TCP11L1: variants seen among roughly 807,000 people sequenced by gnomAD.
TCP11L1 encodes T-complex protein 11-like protein 1.
Under a neutral mutation model 48.9 loss-of-function variants are expected in TCP11L1, and 28 were observed. The observed-to-expected ratio is 0.57, with a 90% CI of 0.42 to 0.78. TCP11L1 has a LOEUF of 0.78. Among genes scored for constraint, TCP11L1 ranks in the 30% least tolerant of loss-of-function variants. The probability of loss-of-function intolerance (pLI) is 0.00; values close to 1 mark genes in which losing one functional copy is unlikely to be tolerated. For missense variants in TCP11L1, 505 were observed against 613.4 expected (o/e 0.82, Z 1.87); for synonymous variants, 204 against 231.9 (o/e 0.88, Z 1.09).
intron 2 of TCP11L1, among the ~76,000 whole-genome samples, chr11:33,051,328 C>T (rs1448006164): frequency 2.0e-5 from 3 of 151,808 alleles, no homozygotes; most frequent in East Asian, 1.9e-4. Flanking sequence ...CCATCACGCC[C>T]GGCTAATTTT....
At chr11:33,070,685 CAAAAAA>C (rs1182483117) in intron 9 of TCP11L1, among the ~76,000 whole-genome samples, 1 of 71,564 alleles carries the variant, frequency 1.4e-5, no homozygotes. Flanking sequence ...AAGTCTGTCT[CAAAAAA>C]AAAAAAAAAA....
intron 2 of TCP11L1, among the ~76,000 whole-genome samples, chr11:33,047,526 A>G (rs545610876): frequency 6.6e-6 from 1 of 152,348 alleles, no homozygotes; most frequent in East Asian, 1.9e-4. Context: ...TCCAGTTAAT[A>G]TCTCCCACTT....
In TCP11L1 at chr11:33,073,286, C is replaced by T. The variant is rs1304595251; in HGVS notation, c.*610C>T. The T allele has an allele frequency of 6.6e-6, 1 of 151,470 alleles. No homozygotes were observed. The highest frequency in any genetic ancestry group is 2.4e-5 in the African/African-American group (1 of 40,920). The allele number at this position is 151,470 out of a possible 1,614,324, so 9.4% of individuals were successfully genotyped here. A position where few individuals can be genotyped will look rare whatever the true frequency, so the allele number is the denominator to read the frequency against. On this transcript the variant is annotated 3_prime_UTR_variant, in exon 10 of 10. Transcript: ENST00000334274. The stretch of plus-strand genomic sequence containing the variant: ...TTTTACTTTCTTTTTTGTATTTAAA[C>T]ATTCTTTTAACCTTCCCCCAAAGAT...
chr11:33,050,091 A>G (rs1443100016), intron 2 of TCP11L1, among the ~76,000 whole-genome samples: 2 of 152,256 alleles, frequency 1.3e-5, no homozygotes, highest in African/African-American at 2.4e-5. Context: ...CACATCCTGC[A>G]TAGCCCTAAA....
intron 2 of TCP11L1, among the ~76,000 whole-genome samples, chr11:33,053,047 A>G (rs747336278): frequency 6.6e-6 from 1 of 152,146 alleles, no homozygotes; most frequent in Non-Finnish European, 1.5e-5. Flanking sequence ...CAGAGCTGCT[A>G]AATCAGAAAC....
At position 33,058,160 on chromosome 11, in the gene TCP11L1, T is replaced by G. The variant is rs1363789966; in HGVS notation, c.638+21T>G. 7 of 1,588,166 alleles carry G rather than the reference T, an allele frequency of 4.4e-6. No homozygotes were observed. In the Admixed American group the frequency reaches 9.0e-5, roughly 20 times the overall value. On this transcript the variant is annotated intron_variant, in intron 5 of 9. Transcript: ENST00000334274. Reference sequence around the variant, plus strand: ...TTCAGGTATGGAAATATGTTAATCATACTCCGTGCAACTACAATTCAGAGG... The same window carrying G: ...TTCAGGTATGGAAATATGTTAATCAGACTCCGTGCAACTACAATTCAGAGG...
intron 2 of TCP11L1, among the ~76,000 whole-genome samples, chr11:33,044,885 T>C (rs1183979754): frequency 1.3e-5 from 2 of 152,202 alleles, no homozygotes; most frequent in Non-Finnish European, 2.9e-5. Context: ...TTAGAAAGCT[T>C]CTGTTTTCCT....
Position 33,061,609 on chromosome 11 carries a change from A to C in TCP11L1, c.855A>C (p.Pro285=), listed in dbSNP as rs760018735. The C allele has an allele frequency of 6.2e-7, 1 of 1,612,908 alleles. No homozygotes were observed. The highest frequency in any genetic ancestry group is 8.5e-7 in the Non-Finnish European group (1 of 1,179,580). Residue 285 remains proline, a synonymous_variant, in exon 7 of 10, where the codon CCA becomes CCC. Transcript: ENST00000334274. ...LMTQKYKHAL[P]VGGMAAGSGD... is the part of the protein sequence containing the mutation. ...CTCAGAAGTATAAACACGCCCTGCCAGTGGGGGGAATGGCTGCTGGCTCTG... is the reference window on the plus strand; with the variant it reads ...CTCAGAAGTATAAACACGCCCTGCCCGTGGGGGGAATGGCTGCTGGCTCTG...
intron 8 of TCP11L1, 111 bp from the exon 9 acceptor site, chr11:33,068,576 G>T: frequency 7.4e-6 from 10 of 1,358,682 alleles, no homozygotes; most frequent in Non-Finnish European, 9.2e-6. Flanking sequence ...ATTGTCCCTT[G>T]AACACACAAA....
intron 6 of TCP11L1, among the ~76,000 whole-genome samples, chr11:33,060,585 GAT>G (rs1201010200): frequency 6.6e-6 from 1 of 152,274 alleles, no homozygotes; most frequent in East Asian, 1.9e-4. Flanking sequence ...TGATGTGTGA[GAT>G]CCTCCAGCTC....
Position 33,057,004 on chromosome 11 carries a change from A to G in TCP11L1, c.297-111A>G, listed in dbSNP as rs145798666. On this transcript the variant is annotated intron_variant, in intron 3 of 9. Coordinates refer to ENST00000334274, the MANE Select transcript of TCP11L1 (RefSeq NM_018393.4). ...CCTGGGAAATCTTTCCTTGGTCCAA[A>G]TCACTGGGATTGATCTTACCCTAAA... The G allele has an allele frequency of 1.9e-4, 274 of 1,442,954 alleles. 1 individual carries two copies. The East Asian group carries it at 5.7e-3, about 30-fold the overall frequency. The allele number at this position is 1,442,954 out of a possible 1,614,324, so 89.4% of individuals were successfully genotyped here.
chr11:33,044,173 C>T, intron 2 of TCP11L1: 1 of 372,542 alleles, frequency 2.7e-6, no homozygotes, highest in Non-Finnish European at 4.8e-6. Context: ...CTTTCTCCAG[C>T]CTCAGTGACA....
intron 1 of TCP11L1, among the ~76,000 whole-genome samples, chr11:33,042,223 C>T (rs767496907): frequency 3.9e-5 from 6 of 152,190 alleles, no homozygotes; most frequent in South Asian, 2.1e-4. Flanking sequence ...CTCTGCCTCC[C>T]GGGTTCATGC....
chr11:33,061,613 G>T lies in TCP11L1; in HGVS notation c.859G>T (p.Gly287Trp), dbSNP rs763629851. The T allele has an allele frequency of 2.5e-6, 4 of 1,612,928 alleles. No individual in the cohort carries two copies. Among genetic ancestry groups the T allele is most frequent in the East Asian group, 2.2e-5 (1 of 44,832 alleles). Reference protein sequence around the residue: ...TQKYKHALPVGGMAAGSGDMP... With the variant: ...TQKYKHALPVWGMAAGSGDMP... Reference sequence around the variant, plus strand: ...GAAGTATAAACACGCCCTGCCAGTGGGGGGAATGGCTGCTGGCTCTGGGGA... The same window carrying T: ...GAAGTATAAACACGCCCTGCCAGTGTGGGGAATGGCTGCTGGCTCTGGGGA... Residue 287 changes from glycine (G) to tryptophan (W), a missense_variant, in exon 7 of 10, where the codon GGG (glycine) becomes TGG (tryptophan). Gly to Trp is a radical substitution (Grantham distance 184, BLOSUM62 -2). Transcript: ENST00000334274.
chr11:33,059,958 A>G (rs1319953425), intron 6 of TCP11L1, among the ~76,000 whole-genome samples: 1 of 152,240 alleles, frequency 6.6e-6, no homozygotes, highest in African/African-American at 2.4e-5. Flanking sequence ...ATCCTCACAC[A>G]GTAAGCTGAT....
intron 2 of TCP11L1, among the ~76,000 whole-genome samples, chr11:33,047,013 A>G (rs1003123527): frequency 1.3e-5 from 2 of 152,148 alleles, no homozygotes; most frequent in East Asian, 3.9e-4. Context: ...AGGTGAGGTC[A>G]GGAGTTCGAG....
At chr11:33,062,678 C>T (rs1854501076) in intron 7 of TCP11L1, among the ~76,000 whole-genome samples, 1 of 152,166 alleles carries the variant, frequency 6.6e-6, no homozygotes, top group African/African-American at 2.4e-5. Flanking sequence ...TTCCCATTGC[C>T]CCCGCCCTCT....
rs772532769 is a variant in TCP11L1 at position 33,061,735 on chromosome 11, C to G, written c.972+9C>G. The G allele has an allele frequency of 1.3e-6, 2 of 1,583,234 alleles. No homozygotes were observed. The highest frequency in any genetic ancestry group is 1.7e-6 in the Non-Finnish European group (2 of 1,162,218). ...AGAGGCCGTTCCCCGAAGTAGGTCT[C>G]CTGAGCCATCTCACTACTCATATTT... On this transcript the variant is annotated intron_variant, in intron 7 of 9. Transcript: ENST00000334274.
In TCP11L1 at chr11:33,072,460, C is replaced by CT; in HGVS notation, c.1328-8dup. 1.2e-6 allele frequency: 2 copies of CT among 1,613,998 alleles called. No individual in the cohort carries two copies. Among genetic ancestry groups the CT allele is most frequent in the African/African-American group, 1.3e-5 (1 of 75,036 alleles). On this transcript the variant is annotated splice_polypyrimidine_tract_variant and intron_variant, in intron 9 of 9. Coordinates refer to ENST00000334274, the MANE Select transcript of TCP11L1 (RefSeq NM_018393.4). Reference sequence around the variant, plus strand: ...AGGACAAGAAACAACTGACCACTTTCTTTTTTGTCACAGAATCTCGAATCC... The same window carrying CT: ...AGGACAAGAAACAACTGACCACTTTCTTTTTTTGTCACAGAATCTCGAATCC...
Sources: gnomAD v4.1 joint callset for allele counts (sites outside exome capture counted in the v4.1 genomes callset) on GRCh38, gnomAD v4.1.1 for gene constraint, MANE v1.5 for transcripts, NCBI Gene and HGNC (gene_info 2026-07-23, HGNC 2026-07-21) for gene names.